NUB1: variants seen among roughly 807,000 people sequenced by gnomAD.
NUB1 encodes the protein negative regulator of ubiquitin like proteins 1.
Under a neutral mutation model 77.1 loss-of-function variants are expected in NUB1, and 41 were observed. That is an observed-to-expected ratio of 0.53 (90% CI 0.41 to 0.69). The LOEUF (loss-of-function observed/expected upper bound fraction) is 0.69, where lower values mean the gene tolerates loss of function less well. Among genes scored for constraint, NUB1 ranks in the 30% least tolerant of loss-of-function variants. The probability of loss-of-function intolerance (pLI) is 0.00; values close to 1 mark genes in which losing one functional copy is unlikely to be tolerated. For synonymous variants in NUB1, 257 were observed against 281.0 expected, an observed-to-expected ratio of 0.91 and a Z score of 0.85; for missense variants, 643 against 743.8, an observed-to-expected ratio of 0.86 and a Z score of 1.58.
intron 8 of NUB1, among the ~76,000 whole-genome samples, chr7:151,366,014 A>T (rs1797662903): frequency 6.6e-6 from 1 of 152,356 alleles, no homozygotes; most frequent in African/African-American, 2.4e-5. Context: ...TAAAGAGAGA[A>T]AACCTTGTTC....
chr7:151,365,038 G>T (rs1158259274), intron 8 of NUB1, among the ~76,000 whole-genome samples: 1 of 149,432 alleles, frequency 6.7e-6, no homozygotes, highest in Admixed American at 6.6e-5. Flanking sequence ...TGTTCAGGCT[G>T]GTCTCAAACT....
At chr7:151,344,175 C>A (rs1796352573) in intron 1 of NUB1, among the ~76,000 whole-genome samples, 1 of 54,748 alleles carries the variant, frequency 1.8e-5, no homozygotes, top group Non-Finnish European at 3.3e-5. Context: ...AGTGAGACTC[C>A]CTCTCAAAAA....
At chr7:151,351,229 CCCCTT>C in intron 3 of NUB1, 190 bp from the exon 4 acceptor site, 1 of 564,938 alleles carries the variant, frequency 1.8e-6, no homozygotes, top group Non-Finnish European at 3.1e-6. Flanking sequence ...ACGCTGCCGC[CCCCTT>C]GAGGACGTGC....
intron 8 of NUB1, among the ~76,000 whole-genome samples, chr7:151,362,907 G>A (rs887834302): frequency 2.6e-5 from 4 of 152,250 alleles, no homozygotes; most frequent in African/African-American, 9.6e-5. Context: ...CAGAGTGGAG[G>A]ATTTGGTAGT....
intron 7 of NUB1, among the ~76,000 whole-genome samples, chr7:151,359,282 CA>C (rs59555540): frequency 4.5e-4 from 60 of 131,982 alleles, no homozygotes; most frequent in Admixed American, 4.7e-4. Context: ...ACTAAAAATA[CA>C]AAAAAAAAAA....
At chr7:151,366,196 C>T (rs1797671860) in intron 8 of NUB1, among the ~76,000 whole-genome samples, 1 of 152,178 alleles carries the variant, frequency 6.6e-6, no homozygotes, top group Admixed American at 6.5e-5. Context: ...CTTTGCTGCG[C>T]CTGGGTTCAG....
intron 1 of NUB1, among the ~76,000 whole-genome samples, chr7:151,345,065 A>T (rs1796439711): frequency 6.6e-6 from 1 of 152,176 alleles, no homozygotes; most frequent in Non-Finnish European, 1.5e-5. Context: ...CTTTTCTCTT[A>T]GATAAGAGAA....
At chr7:151,352,500 G>A (rs1202460427) in intron 4 of NUB1, 3 of 317,078 alleles carry the variant, frequency 9.5e-6, no homozygotes, top group African/African-American at 2.2e-5. Context: ...CTGAAGCACA[G>A]TGGCATAAAT....
At chr7:151,364,083 C>T (rs1243629542) in intron 8 of NUB1, among the ~76,000 whole-genome samples, 3 of 150,862 alleles carry the variant, frequency 2.0e-5, no homozygotes, top group Non-Finnish European at 3.0e-5. Flanking sequence ...TGTGAGCCAC[C>T]GCGCCTGGCC....
chr7:151,364,113 A>T (rs936961534), intron 8 of NUB1, among the ~76,000 whole-genome samples: 5 of 150,864 alleles, frequency 3.3e-5, no homozygotes, highest in African/African-American at 1.2e-4. Flanking sequence ...TATGTTAAAT[A>T]AATATTAATT....
intron 1 of NUB1, among the ~76,000 whole-genome samples, chr7:151,343,287 T>G (rs970001310): frequency 3.3e-5 from 5 of 152,310 alleles, no homozygotes; most frequent in South Asian, 4.1e-4. Context: ...TTCCTCTCTT[T>G]TCTCCTCCCT....
intron 8 of NUB1, among the ~76,000 whole-genome samples, chr7:151,362,158 G>A (rs1394823255): frequency 2.0e-5 from 3 of 152,086 alleles, no homozygotes; most frequent in African/African-American, 2.4e-5. Context: ...TACATCTTCA[G>A]TTCATGATAC....
At chr7:151,366,857 C>A in intron 8 of NUB1, 82 bp from the exon 9 acceptor site, 2 of 1,081,330 alleles carry the variant, frequency 1.8e-6, no homozygotes, top group Non-Finnish European at 2.6e-6. Flanking sequence ...GAAAGAATTC[C>A]AGTCATTCAC....
chr7:151,360,028 A>C (rs546794418), intron 7 of NUB1, 113 bp from the exon 8 acceptor site: 14 of 562,490 alleles, frequency 2.5e-5, no homozygotes, highest in African/African-American at 2.2e-4. Context: ...AGATTGAGTT[A>C]TGATCTTGTT....
intron 8 of NUB1, among the ~76,000 whole-genome samples, chr7:151,362,189 G>A (rs538719638): frequency 1.3e-5 from 2 of 152,090 alleles, no homozygotes; most frequent in African/African-American, 4.8e-5. Context: ...CCGGTAAGTG[G>A]TAGGTATAAT....
intron 1 of NUB1, among the ~76,000 whole-genome samples, chr7:151,344,943 T>C (rs57738370): frequency 0.015 from 2,328 of 152,130 alleles, 58 homozygotes; most frequent in African/African-American, 0.053. Context: ...GAGCTTGCAG[T>C]GAGCCGAGAT....
intron 7 of NUB1, among the ~76,000 whole-genome samples, chr7:151,358,011 C>T (rs955373379): frequency 4.0e-5 from 6 of 151,366 alleles, no homozygotes; most frequent in Non-Finnish European, 8.8e-5. Flanking sequence ...GAGTCTCGCT[C>T]TGTCATCAGG....
chr7:151,365,896 TTTTTA>T (rs1797655405), intron 8 of NUB1, among the ~76,000 whole-genome samples: 1 of 151,906 alleles, frequency 6.6e-6, no homozygotes, highest in African/African-American at 2.4e-5. Context: ...AGTCCTTTTT[TTTTTA>T]TTCCATGCAT....
In NUB1 at chr7:151,377,481, G is replaced by T. The variant is rs1798355864; in HGVS notation, c.*256G>T. 1.0e-5 allele frequency: 3 copies of T among 287,146 alleles called. No homozygotes were observed. The highest frequency in any genetic ancestry group is 4.4e-5 in the African/African-American group (2 of 45,634). 17.8% of individuals were successfully genotyped at this position (287,146 alleles called of 1,614,324 possible). A position where few individuals can be genotyped will look rare whatever the true frequency, so the allele number is the denominator to read the frequency against. Reference sequence around the variant, plus strand: ...GCGTCCCTAACCCCTTCCCCAGCTTGGTGTTTTACCCCGAAACAGGAAGGA... The same window carrying T: ...GCGTCCCTAACCCCTTCCCCAGCTTTGTGTTTTACCCCGAAACAGGAAGGA... On this transcript the variant is annotated 3_prime_UTR_variant, in exon 15 of 15. Coordinates refer to ENST00000568733, the MANE Select transcript of NUB1 (RefSeq NM_001243351.2).
Sources: allele counts gnomAD v4.1 joint callset (sites outside exome capture counted in the v4.1 genomes callset), GRCh38; gene constraint gnomAD v4.1.1; transcripts MANE v1.5; gene names NCBI Gene and HGNC (gene_info 2026-07-23, HGNC 2026-07-21).